Variants in ROBO2 observed in about 807,000 individuals in gnomAD.
ROBO2 encodes roundabout homolog 2.
ROBO2 carries 53 observed loss-of-function variants against 160.8 expected under a neutral mutation model. The observed-to-expected ratio is 0.33, with a 90% CI of 0.26 to 0.41. ROBO2 has a LOEUF of 0.41. Ranked by LOEUF, ROBO2 falls within the 10% of genes least tolerant of loss-of-function variation. The pLI is 1.00. For missense variants in ROBO2, 1,577 were observed against 1,722.4 expected, an observed-to-expected ratio of 0.92 and a Z score of 1.49; for synonymous variants, 664 against 611.7, an observed-to-expected ratio of 1.09 and a Z score of -1.26.
chr3:76,692,854 C>G lies in ROBO2; in HGVS notation c.110-405160C>G, dbSNP rs142641250. ...TATTATTCAGGGCTCTCCAGAGAAA[C>G]AGAACACACTCACAAACACACTATA... is the stretch of plus-strand genomic sequence containing the variant. On this transcript the variant is annotated intron_variant, in intron 2 of 26. Transcript: ENST00000487694. 1.7e-3 allele frequency among the ~76,000 whole-genome samples: 255 copies of G among 151,806 alleles called. 11 individuals carry two copies. In the South Asian group the frequency reaches 0.034, roughly 20 times the overall value.
At chr3:77,056,608 G>A (rs2065770082) in intron 1 of ROBO2, among the ~76,000 whole-genome samples, 1 of 152,050 alleles carries the variant, frequency 6.6e-6, no homozygotes, top group African/African-American at 2.4e-5. Flanking sequence ...GAAAAAAATT[G>A]TATATTTGAT....
chr3:77,036,323 A>G (rs2063633712), upstream of ROBO2, among the ~76,000 whole-genome samples: 1 of 152,050 alleles, frequency 6.6e-6, no homozygotes, highest in Non-Finnish European at 1.5e-5. Flanking sequence ...TAAAATTACT[A>G]TCATGGATCA....
At chr3:76,077,284 C>T (rs1053418366) in intron 2 of ROBO2, among the ~76,000 whole-genome samples, 20 of 152,052 alleles carry the variant, frequency 1.3e-4, no homozygotes, top group South Asian at 2.1e-4. Context: ...TTAATGAGGC[C>T]GGGTGAAGTG....
chr3:77,538,303 C>T (rs911856243), intron 6 of ROBO2, among the ~76,000 whole-genome samples: 4 of 150,910 alleles, frequency 2.7e-5, no homozygotes, highest in Non-Finnish European at 4.4e-5. Flanking sequence ...CTCAGCCTCC[C>T]GAGTAGCTGG....
At chr3:75,939,234 C>A (rs1343028316) in intron 2 of ROBO2, among the ~76,000 whole-genome samples, 1 of 152,108 alleles carries the variant, frequency 6.6e-6, no homozygotes, top group Admixed American at 6.6e-5. Flanking sequence ...AATAGTGATC[C>A]AACATGACAT....
intron 2 of ROBO2, among the ~76,000 whole-genome samples, chr3:76,741,040 A>C (rs955470070): frequency 6.6e-6 from 1 of 152,076 alleles, no homozygotes; most frequent in African/African-American, 2.4e-5. Flanking sequence ...AAAAGCTCTG[A>C]TGTTTACTAT....
intron 2 of ROBO2, among the ~76,000 whole-genome samples, chr3:76,732,837 CT>C (rs1044888165): frequency 2.6e-5 from 4 of 152,046 alleles, no homozygotes; most frequent in African/African-American, 7.2e-5. Context: ...ATATCTTTTG[CT>C]TTTGTTCTAA....
At chr3:76,049,403 A>ATATTTTTTTTTTTTT (rs1414664360) in intron 2 of ROBO2, among the ~76,000 whole-genome samples, 3 of 53,752 alleles carry the variant, frequency 5.6e-5, no homozygotes, top group African/African-American at 2.9e-4. Context: ...ATATATATAT[A>ATATTTTTTTTTTTTT]TTTTTTTTTT....
intron 2 of ROBO2, among the ~76,000 whole-genome samples, chr3:76,786,313 A>T (rs1224323126): frequency 6.6e-6 from 1 of 151,306 alleles, no homozygotes; most frequent in East Asian, 1.9e-4. Context: ...CACTATAAAG[A>T]TGTACCTGAG....
chr3:77,384,534 C>T (rs1426095379), intron 2 of ROBO2, among the ~76,000 whole-genome samples: 1 of 152,154 alleles, frequency 6.6e-6, no homozygotes, highest in East Asian at 1.9e-4. Flanking sequence ...AATTGAATGA[C>T]AGCCTTCTAG....
At chr3:77,072,912 T>C (rs1298527206) in intron 1 of ROBO2, among the ~76,000 whole-genome samples, 1 of 152,248 alleles carries the variant, frequency 6.6e-6, no homozygotes, top group African/African-American at 2.4e-5. Context: ...AAGTTCATTT[T>C]GTATTTCAGA....
chr3:76,385,462 C>G (rs1053559240), intron 2 of ROBO2, among the ~76,000 whole-genome samples: 3 of 152,202 alleles, frequency 2.0e-5, no homozygotes, highest in Non-Finnish European at 4.4e-5. Flanking sequence ...ACTGCACAGT[C>G]TGTCACCTTA....
At chr3:77,355,277 TG>T (rs1205602672) in intron 2 of ROBO2, among the ~76,000 whole-genome samples, 1 of 152,190 alleles carries the variant, frequency 6.6e-6, no homozygotes, top group Non-Finnish European at 1.5e-5. Flanking sequence ...TGTATAGTTT[TG>T]CCTTTTCCAG....
chr3:76,796,902 G>A (rs1576670175), intron 2 of ROBO2, among the ~76,000 whole-genome samples: 1 of 152,016 alleles, frequency 6.6e-6, no homozygotes, highest in Admixed American at 6.6e-5. Context: ...GATATAACAA[G>A]TGTAAATATA....
intron 2 of ROBO2, among the ~76,000 whole-genome samples, chr3:76,431,904 T>G (rs2076452645): frequency 6.6e-6 from 1 of 152,162 alleles, no homozygotes; most frequent in African/African-American, 2.4e-5. Context: ...TTTGACATTT[T>G]GGGACACTGA....
At chr3:77,202,942 G>T (rs2151030209) in intron 2 of ROBO2, among the ~76,000 whole-genome samples, 1 of 152,308 alleles carries the variant, frequency 6.6e-6, no homozygotes, top group East Asian at 1.9e-4. Context: ...TTCCAGCAGA[G>T]ATGCCCTTAT....
At position 76,875,527 on chromosome 3, in the gene ROBO2, G is replaced by A. The variant is rs144659157; in HGVS notation, c.110-222487G>A. Among the ~76,000 whole-genome samples, 75 of 152,266 alleles carry A rather than the reference G, an allele frequency of 4.9e-4. No individual in the cohort carries two copies. In the East Asian group the frequency reaches 0.011, roughly 22 times the overall value. Reference sequence around the variant, plus strand: ...TCAAGGTGTCAACAAAGTGGCATTCGTCTTGGAGATCCTGACTGGATCTAT... The same window carrying A: ...TCAAGGTGTCAACAAAGTGGCATTCATCTTGGAGATCCTGACTGGATCTAT... On this transcript the variant is annotated intron_variant, in intron 2 of 26. Transcript: ENST00000487694.
intron 2 of ROBO2, among the ~76,000 whole-genome samples, chr3:77,257,900 G>A (rs1441951): frequency 0.81 from 122,641 of 152,254 alleles, 49,981 homozygotes; most frequent in East Asian, 0.95. Flanking sequence ...TAATATGTCA[G>A]GATATGTCAT....
At chr3:77,419,849 C>A (rs1181922733) in intron 2 of ROBO2, among the ~76,000 whole-genome samples, 3 of 152,056 alleles carry the variant, frequency 2.0e-5, no homozygotes, top group East Asian at 1.9e-4. Context: ...TTTTGAGGTG[C>A]TTCACAAGGC....
Sources: gnomAD v4.1 joint callset for allele counts (sites outside exome capture counted in the v4.1 genomes callset) on GRCh38, gnomAD v4.1.1 for gene constraint, MANE v1.5 for transcripts, NCBI Gene and HGNC (gene_info 2026-07-23, HGNC 2026-07-21) for gene names.